The following CYP3A43 variants were observed in gnomAD, a reference collection of about 807,000 sequenced individuals.
The protein encoded by CYP3A43 is cytochrome P450 3A43.
CYP3A43 carries 45 observed loss-of-function variants against 58.0 expected under a neutral mutation model. The ratio of observed to expected loss-of-function variants is 0.78; its 90% CI spans 0.61 to 0.99. The LOEUF is 0.99. CYP3A43 is among the 50% of genes least tolerant of loss of function. CYP3A43 has a pLI of 0.00. For missense variants in CYP3A43, 593 were observed against 591.9 expected, an observed-to-expected ratio of 1.00 and a Z score of -0.02; for synonymous variants, 191 against 201.4, an observed-to-expected ratio of 0.95 and a Z score of 0.44.
At position 99,855,678 on chromosome 7, in the gene CYP3A43, T is replaced by C. The variant is rs1322394245; in HGVS notation, c.758T>C (p.Ile253Thr). ...KDVTHFLKNS[I>T]ERMKESRLKD... ...GTTACCCATTTTTTAAAAAATTCCA[T>C]TGAAAGGATGAAAGAAAGTCGCCTC... Residue 253 changes from isoleucine to threonine, a missense_variant, in exon 8 of 13, where the codon ATT becomes ACT. Transcript: ENST00000354829. The C allele has an allele frequency of 6.2e-7, 1 of 1,612,880 alleles. No individual in the cohort carries two copies. The highest frequency in any genetic ancestry group is 8.5e-7 in the Non-Finnish European group (1 of 1,179,684).
rs146536095 is a variant in CYP3A43, at chr7:99,852,538, T to A, written c.670+2844T>A. 4.4e-3 allele frequency among the ~76,000 whole-genome samples: 666 copies of A among 152,330 alleles called. 4 individuals carry two copies. Among genetic ancestry groups the A allele is most frequent in the African/African-American group, 0.015 (627 of 41,574 alleles). ...TTGTTAATGTTATTCCTGATAAGTG[T>A]ATCACTAATATTTTGATGTTATGGT... On this transcript the variant is annotated intron_variant, in intron 7 of 12. Coordinates refer to ENST00000354829, the MANE Select transcript of CYP3A43 (RefSeq NM_057095.3).
chr7:99,848,032 G>T, intron 5 of CYP3A43, 134 bp from the exon 6 acceptor site: 1 of 856,866 alleles, frequency 1.2e-6, no homozygotes, highest in Non-Finnish European at 1.8e-6. Flanking sequence ...GGCAGGGGGC[G>T]GTCTTTTCTA....
rs753522427 is a variant in CYP3A43 at position 99,863,656 on chromosome 7, G to C, written c.1373G>C (p.Arg458Thr). The change falls in exon 12 of 13, where the codon AGA becomes ACA. Residue 458 changes from arginine to threonine, a missense_variant. Coordinates refer to ENST00000354829, the MANE Select transcript of CYP3A43 (RefSeq NM_057095.3). ...ACAAACATAAAACTTGCTGTCATTAGAGCACTGCAGAACTTCTCCTTCAAA... is the reference window on the plus strand; with the variant it reads ...ACAAACATAAAACTTGCTGTCATTACAGCACTGCAGAACTTCTCCTTCAAA... ...ALTNIKLAVI[R>T]ALQNFSFKPC... is the part of the protein sequence containing the mutation. The C allele has an allele frequency of 1.9e-6, 3 of 1,613,260 alleles. No individual in the cohort carries two copies. The highest frequency in any genetic ancestry group is 2.5e-6 in the Non-Finnish European group (3 of 1,179,772).
chr7:99,853,949 T>C (rs966230059), intron 7 of CYP3A43, among the ~76,000 whole-genome samples: 2 of 152,126 alleles, frequency 1.3e-5, no homozygotes, highest in South Asian at 4.1e-4. Context: ...AGGCATGAAA[T>C]GTGAAATAAG....
rs1216319553 is a variant in CYP3A43 at position 99,837,253 on chromosome 7, A to G, written c.165+707A>G. Among the ~76,000 whole-genome samples the G allele has an allele frequency of 5.5e-5, 8 of 145,076 alleles. No homozygotes were observed. In the Admixed American group the frequency reaches 5.6e-4, roughly 10 times the overall value. ...AGAATGGCGTGAACCCGGGAGGCGG[A>G]GCTTGCAGTGAGCCGAGATAGCGCC... is the stretch of plus-strand genomic sequence containing the variant. On this transcript the variant is annotated intron_variant, in intron 2 of 12. Transcript: ENST00000354829.
Position 99,848,151 on chromosome 7 carries a change from G to A in CYP3A43, c.433-15G>A, listed in dbSNP as rs1817609656. 6.2e-7 allele frequency: 1 copy of A among 1,613,350 alleles called. No individual in the cohort carries two copies. The highest frequency in any genetic ancestry group is 2.2e-5 in the East Asian group (1 of 44,868). On this transcript the variant is annotated splice_polypyrimidine_tract_variant and intron_variant, in intron 5 of 12. Transcript: ENST00000354829. Reference sequence around the variant, plus strand: ...CGAGTCTGCGTAGTTAACTATGGGTGGTGTTGTGTTTTAGATGGTCCCCAT... The same window carrying A: ...CGAGTCTGCGTAGTTAACTATGGGTAGTGTTGTGTTTTAGATGGTCCCCAT...
At chr7:99,838,110 C>T (rs1817167999) in intron 2 of CYP3A43, among the ~76,000 whole-genome samples, 3 of 152,162 alleles carry the variant, frequency 2.0e-5, no homozygotes, top group Non-Finnish European at 4.4e-5. Context: ...AACAAGGAAG[C>T]AGGAAAGTTT....
chr7:99,851,992 G>A (rs1164888093), intron 7 of CYP3A43, among the ~76,000 whole-genome samples: 3 of 152,158 alleles, frequency 2.0e-5, no homozygotes, highest in East Asian at 1.9e-4. Context: ...GCCGTGTGAC[G>A]TAAGAGCCCA....
At position 99,844,159 on chromosome 7, in the gene CYP3A43, C is replaced by G; in HGVS notation, c.235C>G (p.Gln79Glu). The G allele has an allele frequency of 6.2e-7, 1 of 1,613,800 alleles. No individual in the cohort carries two copies. The highest frequency in any genetic ancestry group is 8.5e-7 in the Non-Finnish European group (1 of 1,179,892). ...CCCACACAGGCTGTATGAGGGGCAA[C>G]AGCCCATGCTGGTCATCATGGATCC... Reference protein sequence around the residue: ...GEMWGLYEGQQPMLVIMDPDM... With the variant: ...GEMWGLYEGQEPMLVIMDPDM... The change falls in exon 4 of 13, where the codon CAG becomes GAG. Residue 79 changes from glutamine (Q) to glutamate (E), a missense_variant. Physicochemically the swap from Gln to Glu is conservative, Grantham distance 29. Coordinates refer to ENST00000354829, the MANE Select transcript of CYP3A43 (RefSeq NM_057095.3).
At chr7:99,847,769 T>A in intron 5 of CYP3A43, 168 bp downstream of exon 5, 1 of 1,066,420 alleles carries the variant, frequency 9.4e-7, no homozygotes, top group Non-Finnish European at 1.4e-6. Context: ...CCCAGCACTT[T>A]GGGAGGCCGA....
intron 6 of CYP3A43, 43 bp from the exon 7 acceptor site, chr7:99,849,503 A>G (rs1473439382): frequency 6.4e-7 from 1 of 1,564,900 alleles, no homozygotes; most frequent in Non-Finnish European, 8.6e-7. Flanking sequence ...GAAGGAAGGT[A>G]AAGAGGTGCT....
At chr7:99,843,871 A>G (rs550574241) in intron 3 of CYP3A43, among the ~76,000 whole-genome samples, 10 of 152,312 alleles carry the variant, frequency 6.6e-5, no homozygotes, top group African/African-American at 2.2e-4. Flanking sequence ...ATTTCTAACC[A>G]TGATCTCTTT....
At chr7:99,855,434 A>G in intron 7 of CYP3A43, 157 bp from the exon 8 acceptor site, 3 of 954,568 alleles carry the variant, frequency 3.1e-6, no homozygotes, top group Non-Finnish European at 4.4e-6. Flanking sequence ...GAAGAGGGGC[A>G]AAGGTCATAC....
In CYP3A43 at chr7:99,866,053, A is replaced by G. The variant is rs1478934924; in HGVS notation, c.*52A>G. ...CAAGAAAGCTGTATCCCAGAACACT[A>G]GACACTTCAAATTGTTTTGTGAATA... On this transcript the variant is annotated 3_prime_UTR_variant, in exon 13 of 13. Coordinates refer to ENST00000354829, the MANE Select transcript of CYP3A43 (RefSeq NM_057095.3). 1.8e-6 allele frequency: 2 copies of G among 1,137,100 alleles called. No individual in the cohort carries two copies. Among genetic ancestry groups the G allele is most frequent in the Non-Finnish European group, 2.5e-6 (2 of 787,128 alleles). The allele number at this position is 1,137,100 out of a possible 1,614,324, so 70.4% of individuals were successfully genotyped here.
At chr7:99,832,386 G>A (rs1383173053) in intron 1 of CYP3A43, among the ~76,000 whole-genome samples, 1 of 151,946 alleles carries the variant, frequency 6.6e-6, no homozygotes. Flanking sequence ...CACCCATGCT[G>A]TTCTCATGAT....
At chr7:99,833,591 G>A (rs1816935986) in intron 1 of CYP3A43, among the ~76,000 whole-genome samples, 1 of 152,204 alleles carries the variant, frequency 6.6e-6, no homozygotes, top group Admixed American at 6.5e-5. Flanking sequence ...CTCTTTTTCA[G>A]GGGAAGTTGG....
intron 3 of CYP3A43, among the ~76,000 whole-genome samples, chr7:99,841,412 T>C (rs1817325263): frequency 6.6e-6 from 1 of 152,184 alleles, no homozygotes; most frequent in Non-Finnish European, 1.5e-5. Context: ...CTTTTCTTTT[T>C]TTGAGATGGA....
intron 1 of CYP3A43, among the ~76,000 whole-genome samples, chr7:99,833,012 C>T (rs886342903): frequency 1.3e-5 from 2 of 152,166 alleles, no homozygotes; most frequent in African/African-American, 4.8e-5. Flanking sequence ...ATGAAATGCC[C>T]TGGAAGAATT....
At chr7:99,840,715 T>C (rs906182980) in intron 3 of CYP3A43, among the ~76,000 whole-genome samples, 3 of 152,198 alleles carry the variant, frequency 2.0e-5, no homozygotes, top group Admixed American at 6.5e-5. Flanking sequence ...AGGTCGCAGC[T>C]ACCCCTGTGG....
Sources: gnomAD v4.1 joint callset for allele counts (sites outside exome capture counted in the v4.1 genomes callset) on GRCh38, gnomAD v4.1.1 for gene constraint, MANE v1.5 for transcripts, NCBI Gene and HGNC (gene_info 2026-07-23, HGNC 2026-07-21) for gene names.